SPTA1: variants seen among roughly 807,000 people sequenced by gnomAD.
SPTA1 encodes the protein spectrin alpha, erythrocytic 1.
A neutral mutation model predicts 324.7 loss-of-function variants in SPTA1; 177 were observed. The ratio of observed to expected loss-of-function variants is 0.55; its 90% CI spans 0.48 to 0.62. SPTA1 has a LOEUF of 0.62. SPTA1 is among the 20% of genes least tolerant of loss of function. SPTA1 has a pLI of 0.00. For missense variants in SPTA1, 3,162 were observed against 2,883.6 expected (o/e 1.10, Z -2.21); for synonymous variants, 1,195 against 1,041.3 (o/e 1.15, Z -2.84).
intron 12 of SPTA1, among the ~76,000 whole-genome samples, chr1:158,670,177 T>A (rs1021776573): frequency 6.6e-6 from 1 of 152,212 alleles, no homozygotes; most frequent in Non-Finnish European, 1.5e-5. Flanking sequence ...CTATCTCATC[T>A]CTACCTCTAT....
rs951193544 is a variant in SPTA1, at chr1:158,611,489, T to A, written c.7135-100A>T. ...CGCCATAAATGCAGGAGATGGAGAG[T>A]CTCTGGAAGACGCAAGCCCTATTTC... On this transcript the variant is annotated intron_variant, in intron 51 of 51. Coordinates refer to ENST00000643759, the MANE Select transcript of SPTA1 (RefSeq NM_003126.4). 1.8e-5 allele frequency: 26 copies of A among 1,424,070 alleles called. No homozygotes were observed. In the African/African-American group the frequency reaches 3.7e-4, roughly 20 times the overall value. 88.2% of individuals were successfully genotyped at this position (1,424,070 alleles called of 1,614,324 possible).
chr1:158,626,834 C>T lies in SPTA1; in HGVS notation c.5833+5G>A. ...CCAAGGGACCCTGAACCTGACACATCATACCTATCCAAGCCTCTACCACAT... is the reference window on the plus strand; with the variant it reads ...CCAAGGGACCCTGAACCTGACACATTATACCTATCCAAGCCTCTACCACAT... On this transcript the variant is annotated splice_donor_5th_base_variant and intron_variant, in intron 41 of 51. Transcript: ENST00000643759. 3.1e-6 allele frequency: 5 copies of T among 1,613,526 alleles called. No individual in the cohort carries two copies. Among genetic ancestry groups the T allele is most frequent in the Non-Finnish European group, 4.2e-6 (5 of 1,179,546 alleles).
At chr1:158,645,013 A>G (rs1651885985) in intron 29 of SPTA1, among the ~76,000 whole-genome samples, 175 bp downstream of exon 29, 1 of 152,212 alleles carries the variant, frequency 6.6e-6, no homozygotes, top group African/African-American at 2.4e-5. Flanking sequence ...AAGAGCAGAG[A>G]ATATGACAAT....
intron 4 of SPTA1, among the ~76,000 whole-genome samples, chr1:158,681,266 G>A (rs1453727041): frequency 6.6e-6 from 1 of 152,094 alleles, no homozygotes; most frequent in Non-Finnish European, 1.5e-5. Flanking sequence ...GAAGAGAGAT[G>A]AGCCTAATTA....
rs373848368 is a variant in SPTA1 at position 158,648,512 on chromosome 1, A to G, written c.3711T>C (p.Asp1237=). 5 of 1,613,792 alleles carry G rather than the reference A, an allele frequency of 3.1e-6. No individual in the cohort carries two copies. The African/African-American group carries it at 5.3e-5, about 17-fold the overall frequency. The change falls in exon 26 of 52, where the codon GAT becomes GAC. Residue 1237 remains aspartate, a synonymous_variant. Coordinates refer to ENST00000643759, the MANE Select transcript of SPTA1 (RefSeq NM_003126.4). ...AGCTTTGAAGGACTTGTCTCACCTT[A>G]TCTCCCAGGGGTACGAGGTCCCTTT... ...GFERDLVPLG[D]KVTILGETAE...
In SPTA1 at chr1:158,659,595, A is replaced by ATTATTTTTTTTTTTTTTTTTTTTT; in HGVS notation, c.2587+1691_2587+1692insAAAAAAAAAAAAAAAAAAAAATAA. Among the ~76,000 whole-genome samples the ATTATTTTTTTTTTTTTTTTTTTTT allele has an allele frequency of 3.6e-4, 25 of 68,780 alleles. 1 individual carries two copies. Among genetic ancestry groups the ATTATTTTTTTTTTTTTTTTTTTTT allele is most frequent in the Non-Finnish European group, 7.3e-4 (22 of 30,036 alleles). 45.1% of individuals were successfully genotyped at this position (68,780 alleles called of 152,430 possible). A position where few individuals can be genotyped will look rare whatever the true frequency, so the allele number is the denominator to read the frequency against. On this transcript the variant is annotated intron_variant, in intron 18 of 51. Coordinates refer to ENST00000643759, the MANE Select transcript of SPTA1 (RefSeq NM_003126.4). ...AAAAGAAAATAATAGTCTTAGCATTATTTTTTTTTTTTTTTTTTTTTTTTT... is the reference window on the plus strand; with the variant it reads ...AAAAGAAAATAATAGTCTTAGCATTATTATTTTTTTTTTTTTTTTTTTTTTTTTTTTTTTTTTTTTTTTTTTTTT...
intron 38 of SPTA1, among the ~76,000 whole-genome samples, chr1:158,635,130 G>A (rs932332702): frequency 6.6e-6 from 1 of 152,102 alleles, no homozygotes; most frequent in Admixed American, 6.6e-5. Context: ...TTGGCTATAT[G>A]TGTGATATGG....
chr1:158,651,275 G>A (rs2101857249), intron 24 of SPTA1, 92 bp downstream of exon 24: 2 of 845,782 alleles, frequency 2.4e-6, no homozygotes, highest in Non-Finnish European at 4.2e-6. Flanking sequence ...GTTCTAGTGG[G>A]TCTGCAGAAT....
chr1:158,629,791 A>C (rs1000591215), intron 39 of SPTA1, among the ~76,000 whole-genome samples: 1 of 152,020 alleles, frequency 6.6e-6, no homozygotes, highest in Non-Finnish European at 1.5e-5. Flanking sequence ...GAACTAGTAA[A>C]CCAATCAGCA....
chr1:158,621,458 C>T (rs907427238), intron 43 of SPTA1, among the ~76,000 whole-genome samples: 4 of 151,988 alleles, frequency 2.6e-5, no homozygotes, highest in African/African-American at 9.7e-5. Context: ...ATTAACATGA[C>T]CTCTACACAG....
chr1:158,658,272 G>A (rs1435677964), intron 18 of SPTA1, among the ~76,000 whole-genome samples: 1 of 152,198 alleles, frequency 6.6e-6, no homozygotes, highest in Non-Finnish European at 1.5e-5. Flanking sequence ...AGGACACAGA[G>A]ATCAACATTT....
intron 35 of SPTA1, among the ~76,000 whole-genome samples, chr1:158,638,622 T>C (rs11265042): frequency 0.28 from 42,030 of 151,420 alleles, 5,966 homozygotes; most frequent in Middle Eastern, 0.34. Context: ...TCAAGACCAC[T>C]GTGGCCAACA....
chr1:158,647,791 A>G, intron 26 of SPTA1, 71 bp from the exon 27 acceptor site: 2 of 1,541,568 alleles, frequency 1.3e-6, no homozygotes, highest in Non-Finnish European at 1.8e-6. Flanking sequence ...GAGAATCCTG[A>G]GTCCCAGTAT....
At chr1:158,681,479 G>A in intron 4 of SPTA1, 48 bp downstream of exon 4, 1 of 1,612,980 alleles carries the variant, frequency 6.2e-7, no homozygotes, top group Non-Finnish European at 8.5e-7. Context: ...GGGTACCTGG[G>A]ACAGAGGAGT....
In SPTA1 at chr1:158,668,057, T is replaced by G. The variant is rs534550303; in HGVS notation, c.1839A>C (p.Ile613=). The G allele has an allele frequency of 6.2e-7, 1 of 1,600,576 alleles. No individual in the cohort carries two copies. The highest frequency in any genetic ancestry group is 1.5e-5 in the African/African-American group (1 of 68,780). Residue 613 remains isoleucine (I), a synonymous_variant, in exon 15 of 52, where the codon ATA becomes ATC. Coordinates refer to ENST00000643759, the MANE Select transcript of SPTA1 (RefSeq NM_003126.4). ...TTTGAACCCTGCTCTTCAAGTTCTG[T>G]ATGTCCTGAGATAAGATGAAAAAAA... ...KLADDEDYKD[I]QNLKSRVQKQ... is the part of the protein sequence containing the mutation.
chr1:158,659,334 C>T (rs1043208996), intron 18 of SPTA1, among the ~76,000 whole-genome samples: 2 of 151,838 alleles, frequency 1.3e-5, no homozygotes, highest in Non-Finnish European at 2.9e-5. Context: ...GGAATAGTGG[C>T]TTTCAAATTT....
intron 13 of SPTA1, 66 bp downstream of exon 13, chr1:158,669,643 T>C: frequency 3.7e-6 from 6 of 1,613,986 alleles, no homozygotes; most frequent in Admixed American, 3.3e-5. Context: ...CTGGTCACCA[T>C]GCCCACCAAA....
intron 24 of SPTA1, among the ~76,000 whole-genome samples, chr1:158,650,811 A>C (rs969929700): frequency 2.0e-5 from 3 of 152,226 alleles, no homozygotes; most frequent in African/African-American, 7.2e-5. Context: ...ACATGTAAGG[A>C]AAAAACTTTA....
Position 158,636,650 on chromosome 1 carries a change from A to C in SPTA1, c.5301T>G (p.Pro1767=). ...RLEGELVAHE[P]AIQNVLDMAE... ...GGTATTCTATTCCTACCTGGATGGC[A>C]GGCTCATGGGCCACCAGCTCCCCCT... is the stretch of plus-strand genomic sequence containing the variant. The change falls in exon 37 of 52, where the codon CCT becomes CCG. Residue 1767 remains proline (P), a synonymous_variant. Coordinates refer to ENST00000643759, the MANE Select transcript of SPTA1 (RefSeq NM_003126.4). The C allele has an allele frequency of 6.2e-7, 1 of 1,614,096 alleles. No individual in the cohort carries two copies. The highest frequency in any genetic ancestry group is 8.5e-7 in the Non-Finnish European group (1 of 1,179,988).
Sources: allele counts gnomAD v4.1 joint callset (sites outside exome capture counted in the v4.1 genomes callset), GRCh38; gene constraint gnomAD v4.1.1; transcripts MANE v1.5; gene names NCBI Gene and HGNC (gene_info 2026-07-23, HGNC 2026-07-21).